Variants in CUL3 observed in about 807,000 individuals in gnomAD.
The protein encoded by CUL3 is cullin-3.
In CUL3, 19 loss-of-function variants were observed where a neutral mutation model predicts 89.1. The observed-to-expected ratio is 0.21, with a 90% CI of 0.15 to 0.31. The LOEUF is 0.31. Among genes scored for constraint, CUL3 ranks in the 10% least tolerant of loss-of-function variants. CUL3 has a pLI of 1.00. For synonymous variants in CUL3, 351 were observed against 308.4 expected (o/e 1.14, Z -1.45); for missense variants, 469 against 942.3 (o/e 0.50, Z 6.58).
chr2:224,528,442 C>T (rs1292938693), intron 3 of CUL3, among the ~76,000 whole-genome samples: 1 of 152,176 alleles, frequency 6.6e-6, no homozygotes, highest in East Asian at 1.9e-4. Context: ...ATCTAAAAAT[C>T]CATAACATAA....
intron 10 of CUL3, among the ~76,000 whole-genome samples, chr2:224,501,062 CTT>C (rs1456578806): frequency 7.2e-5 from 11 of 152,134 alleles, no homozygotes; most frequent in Non-Finnish European, 1.6e-4. Flanking sequence ...TAAATCAAGT[CTT>C]ACTGTTATCA....
chr2:224,582,485 C>G (rs1695464554), intron 1 of CUL3, among the ~76,000 whole-genome samples: 1 of 152,184 alleles, frequency 6.6e-6, no homozygotes, highest in Admixed American at 6.5e-5. Flanking sequence ...CAATGGGAAT[C>G]ACTTAGGAAT....
rs200164153 is a variant in CUL3, at chr2:224,514,608, T to C, written c.539+4A>G. 4.5e-4 allele frequency: 719 copies of C among 1,601,550 alleles called. 1 individual carries two copies. The highest frequency in any genetic ancestry group is 9.2e-4 in the Admixed American group (54 of 58,956). ...AACCACAAGAGTAAAGAGAGAAATT[T>C]TACCTGTCTACGACTTCTCCTTTCC... is the stretch of plus-strand genomic sequence containing the variant. On this transcript the variant is annotated splice_donor_region_variant and intron_variant, in intron 4 of 15. Transcript: ENST00000264414.
intron 2 of CUL3, 38 bp from the exon 3 acceptor site, chr2:224,535,679 T>A (rs1326533356): frequency 8.2e-7 from 1 of 1,219,878 alleles, no homozygotes; most frequent in Non-Finnish European, 1.2e-6. Context: ...CACACACACA[T>A]CCACACACTC....
chr2:224,551,424 C>A (rs1311522513), intron 2 of CUL3, among the ~76,000 whole-genome samples: 3 of 151,986 alleles, frequency 2.0e-5, no homozygotes, highest in Non-Finnish European at 4.4e-5. Context: ...CCAGGATGGT[C>A]TCGATCTCCT....
chr2:224,536,898 G>GT (rs1449476582), intron 2 of CUL3, among the ~76,000 whole-genome samples: 2 of 152,142 alleles, frequency 1.3e-5, no homozygotes, highest in African/African-American at 4.8e-5. Flanking sequence ...CCAAGTTCCT[G>GT]TAACACTTTG....
chr2:224,500,380 A>C lies in CUL3; in HGVS notation c.1593T>G (p.Ala531=). 6.2e-7 allele frequency: 1 copy of C among 1,614,116 alleles called. No individual in the cohort carries two copies. Among genetic ancestry groups the C allele is most frequent in the Non-Finnish European group, 8.5e-7 (1 of 1,179,990 alleles). Residue 531 remains alanine, a synonymous_variant, in exon 11 of 16, where the codon GCT becomes GCG. Coordinates refer to ENST00000264414, the MANE Select transcript of CUL3 (RefSeq NM_003590.5). ...TGATTTACCTTCTGAATATCTCAAA[A>C]GCATGTCTTGGTGCTGGTGGGATGT... The part of the protein sequence containing the change: ...KCNIPPAPRH[A]FEIFRRFYLA...
intron 13 of CUL3, among the ~76,000 whole-genome samples, chr2:224,486,213 AG>A (rs1467788259): frequency 6.6e-6 from 1 of 152,196 alleles, no homozygotes; most frequent in Non-Finnish European, 1.5e-5. Context: ...TCTCCTCCAA[AG>A]GATCAGAACT....
rs1408591541 is a variant in CUL3, at chr2:224,470,228, GTTA to G, written c.*4014_*4016del. 2 of 212,492 alleles carry G rather than the reference GTTA, an allele frequency of 9.4e-6. No individual in the cohort carries two copies. Among genetic ancestry groups the G allele is most frequent in the Admixed American group, 1.2e-4 (2 of 17,034 alleles). The allele number at this position is 212,492 out of a possible 1,614,324, so 13.2% of individuals were successfully genotyped here. On this transcript the variant is annotated 3_prime_UTR_variant, in exon 16 of 16. Transcript: ENST00000264414. ...TAAAGTTTATTAGTTGAACTGTCCT[GTTA>G]TTAAAATCTTGAAATTTGACAATTT...
At chr2:224,476,413 T>C (rs1470000322) in intron 15 of CUL3, among the ~76,000 whole-genome samples, 3 of 152,182 alleles carry the variant, frequency 2.0e-5, no homozygotes, top group Non-Finnish European at 4.4e-5. Flanking sequence ...AAATTTATAG[T>C]ATTCAAAAGT....
In CUL3 at chr2:224,511,244, C is replaced by T. The variant is rs183740062; in HGVS notation, c.883+110G>A. The T allele has an allele frequency of 1.7e-3, 1,271 of 729,542 alleles. 18 individuals are homozygous for T. The highest frequency in any genetic ancestry group is 7.3e-3 in the Middle Eastern group (24 of 3,288). The allele number at this position is 729,542 out of a possible 1,614,324, so 45.2% of individuals were successfully genotyped here. A position where few individuals can be genotyped will look rare whatever the true frequency, so the allele number is the denominator to read the frequency against. The stretch of plus-strand genomic sequence containing the variant: ...ACAATGGAGACAAATTAACAATACA[C>T]ACCAAAACTTCTTGAAAGCTGATAT... On this transcript the variant is annotated intron_variant, in intron 6 of 15. Transcript: ENST00000264414.
At position 224,473,576 on chromosome 2, in the gene CUL3, A is replaced by G. The variant is rs147054027; in HGVS notation, c.*669T>C. On this transcript the variant is annotated 3_prime_UTR_variant, in exon 16 of 16. Transcript: ENST00000264414. ...TAACTCAGAACAAAACCTAATCATT[A>G]TAAGACTTAATTTGGGAAATCTCAA... 3.0e-3 allele frequency: 548 copies of G among 184,796 alleles called. 4 individuals carry two copies. The highest frequency in any genetic ancestry group is 0.012 in the African/African-American group (505 of 42,750). 11.4% of individuals were successfully genotyped at this position (184,796 alleles called of 1,614,324 possible).
At chr2:224,504,265 T>C (rs1380319853) in intron 8 of CUL3, 1 of 153,184 alleles carries the variant, frequency 6.5e-6, no homozygotes, top group Non-Finnish European at 1.5e-5. Context: ...TAATTTGTTA[T>C]AATCCAAACA....
At chr2:224,572,448 C>G (rs1009568324) in intron 1 of CUL3, among the ~76,000 whole-genome samples, 3 of 150,484 alleles carry the variant, frequency 2.0e-5, no homozygotes, top group Non-Finnish European at 4.4e-5. Context: ...AGTTTGAGAC[C>G]AGCCTGGGCA....
At chr2:224,579,652 C>T (rs1220795638) in intron 1 of CUL3, among the ~76,000 whole-genome samples, 1 of 152,136 alleles carries the variant, frequency 6.6e-6, no homozygotes, top group African/African-American at 2.4e-5. Context: ...AGTGGAGTTC[C>T]TCTAGCATTA....
rs115386832 is a variant in CUL3 at position 224,582,571 on chromosome 2, T to G, written c.66+2373A>C. 3.1e-3 allele frequency among the ~76,000 whole-genome samples: 470 copies of G among 152,354 alleles called. 2 individuals carry two copies. The highest frequency in any genetic ancestry group is 0.01 in the African/African-American group (429 of 41,582). ...GCTATTAACTACTGAATACCAAAAC[T>G]AGTCACTTACTTCATGTAAGGTTTT... On this transcript the variant is annotated intron_variant, in intron 1 of 15. Transcript: ENST00000264414.
intron 1 of CUL3, among the ~76,000 whole-genome samples, chr2:224,570,492 T>C (rs1695158159): frequency 6.6e-6 from 1 of 152,210 alleles, no homozygotes; most frequent in Non-Finnish European, 1.5e-5. Context: ...TGTTTGTTTC[T>C]TCCTTGCCTA....
chr2:224,573,589 T>C (rs1695233367), intron 1 of CUL3, among the ~76,000 whole-genome samples: 1 of 152,170 alleles, frequency 6.6e-6, no homozygotes, highest in Non-Finnish European at 1.5e-5. Context: ...GGTAGATTCT[T>C]TTTGTAAAGA....
chr2:224,575,856 T>C (rs1443022627), intron 1 of CUL3, among the ~76,000 whole-genome samples: 3 of 152,186 alleles, frequency 2.0e-5, no homozygotes, highest in Non-Finnish European at 4.4e-5. Flanking sequence ...ATCCCTGCAA[T>C]ACAAGCCTGT....
Sources: allele counts gnomAD v4.1 joint callset (sites outside exome capture counted in the v4.1 genomes callset), GRCh38; gene constraint gnomAD v4.1.1; transcripts MANE v1.5; gene names NCBI Gene and HGNC (gene_info 2026-07-23, HGNC 2026-07-21).